The following PHACTR3 variants were observed in gnomAD, a reference collection of about 807,000 sequenced individuals.
PHACTR3 encodes protein phosphatase 1, regulatory subunit 123.
In PHACTR3, 16 loss-of-function variants were observed where a neutral mutation model predicts 66.8. That is an observed-to-expected ratio of 0.24 (90% CI 0.16 to 0.36). PHACTR3 has a LOEUF of 0.36. Among genes scored for constraint, PHACTR3 ranks in the 10% least tolerant of loss-of-function variants. The pLI, the probability that PHACTR3 is intolerant of heterozygous loss-of-function variation, is 1.00. For missense variants in PHACTR3, 647 were observed against 719.9 expected (o/e 0.90, Z 1.16); for synonymous variants, 323 against 292.1 (o/e 1.11, Z -1.08).
chr20:59,835,696 T>A (rs2042506122), intron 8 of PHACTR3, among the ~76,000 whole-genome samples: 1 of 152,152 alleles, frequency 6.6e-6, no homozygotes, highest in Non-Finnish European at 1.5e-5. Flanking sequence ...GCCCTTTATG[T>A]TTTTTGGTGG....
intron 7 of PHACTR3, among the ~76,000 whole-genome samples, chr20:59,782,513 A>G (rs6100583): frequency 0.03 from 4,524 of 152,280 alleles, 186 homozygotes; most frequent in African/African-American, 0.095. Context: ...CGGCCTCTCA[A>G]AGTGCTGGGA....
At chr20:59,670,449 G>A (rs2036149052) in intron 1 of PHACTR3, among the ~76,000 whole-genome samples, 1 of 152,120 alleles carries the variant, frequency 6.6e-6, no homozygotes, top group African/African-American at 2.4e-5. Context: ...GGCCTCACAG[G>A]GTGCAGTCGT....
chr20:59,776,469 A>G (rs2040541251), intron 7 of PHACTR3, among the ~76,000 whole-genome samples: 1 of 152,114 alleles, frequency 6.6e-6, no homozygotes, highest in Non-Finnish European at 1.5e-5. Flanking sequence ...CTCAGGGTGC[A>G]CCTCGGAGAG....
At chr20:59,677,298 A>C (rs1047223074) in intron 1 of PHACTR3, among the ~76,000 whole-genome samples, 1 of 152,178 alleles carries the variant, frequency 6.6e-6, no homozygotes, top group Non-Finnish European at 1.5e-5. Context: ...ATGCTCCACT[A>C]TCAGGAGTCA....
At chr20:59,772,583 T>C (rs1385350737) in intron 5 of PHACTR3, among the ~76,000 whole-genome samples, 1 of 152,062 alleles carries the variant, frequency 6.6e-6, no homozygotes. Context: ...AGACTCAGGT[T>C]GGACGGAGTG....
rs1404875755 is a variant in PHACTR3, at chr20:59,736,530, G to C, written c.119-6577G>C. Among the ~76,000 whole-genome samples the C allele has an allele frequency of 9.2e-6, 1 of 109,230 alleles. No homozygotes were observed. Among genetic ancestry groups the C allele is most frequent in the Non-Finnish European group, 1.8e-5 (1 of 54,838 alleles). The allele number at this position is 109,230 out of a possible 152,430, so 71.7% of individuals were successfully genotyped here. A position where few individuals can be genotyped will look rare whatever the true frequency, so the allele number is the denominator to read the frequency against. ...ACACTGGCTCCGCAGGTGCTCACCC[G>C]CCCACCCGTGTAGGTGCACACCCAC... On this transcript the variant is annotated intron_variant, in intron 1 of 12. Transcript: ENST00000371015. This position sits in a 1 kb window ranked among gnomAD's most constrained non-coding sequence, Gnocchi z 4.6.
intron 1 of PHACTR3, among the ~76,000 whole-genome samples, chr20:59,663,047 G>A (rs1315143638): frequency 6.6e-6 from 1 of 152,204 alleles, no homozygotes; most frequent in Non-Finnish European, 1.5e-5. Flanking sequence ...GATGCCCCTG[G>A]GCCTCTCTAG....
intron 1 of PHACTR3, among the ~76,000 whole-genome samples, chr20:59,659,065 T>G (rs1407722828): frequency 6.6e-6 from 1 of 152,172 alleles, no homozygotes; most frequent in Non-Finnish European, 1.5e-5. Context: ...TATTGCAGTT[T>G]CCATGTGGTT....
chr20:59,750,782 G>A (rs1016924744), intron 3 of PHACTR3, among the ~76,000 whole-genome samples: 4 of 152,182 alleles, frequency 2.6e-5, no homozygotes, highest in East Asian at 1.9e-4. Flanking sequence ...TTTCGCAGTC[G>A]ACTCTTCTGT....
intron 8 of PHACTR3, among the ~76,000 whole-genome samples, chr20:59,813,779 C>T (rs1433074398): frequency 6.6e-6 from 1 of 151,914 alleles, no homozygotes; most frequent in Non-Finnish European, 1.5e-5. Context: ...GGCCATGGGT[C>T]CAGGTGGTGG....
At chr20:59,756,093 C>A (rs556524748) in intron 4 of PHACTR3, among the ~76,000 whole-genome samples, 1 of 151,954 alleles carries the variant, frequency 6.6e-6, no homozygotes, top group Non-Finnish European at 1.5e-5. Context: ...ATTGAATAGA[C>A]CAGGGCGCTT....
intron 8 of PHACTR3, among the ~76,000 whole-genome samples, chr20:59,813,201 T>A (rs1024771572): frequency 3.3e-5 from 5 of 149,998 alleles, no homozygotes; most frequent in Non-Finnish European, 1.5e-5. Context: ...TCATGGATCT[T>A]ACTACCTTCC....
chr20:59,774,211 G>A, intron 6 of PHACTR3, 32 bp from the exon 7 acceptor site: 1 of 1,531,074 alleles, frequency 6.5e-7, no homozygotes, highest in Non-Finnish European at 8.8e-7. Flanking sequence ...TGAAGGGGGT[G>A]ACCTATAACC....
At chr20:59,644,164 G>A (rs376317705) in intron 1 of PHACTR3, among the ~76,000 whole-genome samples, 9 of 152,332 alleles carry the variant, frequency 5.9e-5, no homozygotes, top group African/African-American at 1.7e-4. Context: ...AGGCCATTGC[G>A]TGCCTGCAGT....
At chr20:59,744,898 G>T (rs775041012) in intron 2 of PHACTR3, among the ~76,000 whole-genome samples, 1 of 152,180 alleles carries the variant, frequency 6.6e-6, no homozygotes, top group South Asian at 2.1e-4. Context: ...TGCAGACTCC[G>T]GCGAGGCTGC....
chr20:59,670,514 A>G (rs554567718), intron 1 of PHACTR3, among the ~76,000 whole-genome samples: 55 of 148,272 alleles, frequency 3.7e-4, no homozygotes, highest in Non-Finnish European at 6.4e-4. Context: ...CACATCCACC[A>G]ACCTGCATTC....
chr20:59,808,385 G>C (rs969513137), intron 8 of PHACTR3, among the ~76,000 whole-genome samples: 1 of 152,208 alleles, frequency 6.6e-6, no homozygotes, highest in East Asian at 1.9e-4. Flanking sequence ...AACGTGTCTC[G>C]TGTGCGGTAG....
At chr20:59,664,300 C>T (rs1369032529) in intron 1 of PHACTR3, among the ~76,000 whole-genome samples, 1 of 152,140 alleles carries the variant, frequency 6.6e-6, no homozygotes, top group Non-Finnish European at 1.5e-5. Context: ...ATTCCCCCAG[C>T]AACCCACCTC....
chr20:59,798,948 T>C (rs2041333860), intron 7 of PHACTR3, among the ~76,000 whole-genome samples: 1 of 152,156 alleles, frequency 6.6e-6, no homozygotes, highest in African/African-American at 2.4e-5. Context: ...CATTTAATGT[T>C]ATAAATTTCC....
Sources: gnomAD v4.1 joint callset for allele counts (sites outside exome capture counted in the v4.1 genomes callset) on GRCh38, gnomAD v4.1.1 for gene constraint, Gnocchi (gnomAD v3.1) non-coding constraint, MANE v1.5 for transcripts, NCBI Gene and HGNC (gene_info 2026-07-23, HGNC 2026-07-21) for gene names.